EML4: variants seen among roughly 807,000 people sequenced by gnomAD.
EML4 encodes the protein echinoderm microtubule-associated protein-like 4.
Under a neutral mutation model 129.0 loss-of-function variants are expected in EML4, and 72 were observed. The observed-to-expected ratio is 0.56, with a 90% CI of 0.46 to 0.68. EML4 has a LOEUF of 0.68. Ranked by LOEUF, EML4 falls within the 30% of genes least tolerant of loss-of-function variation. The probability of loss-of-function intolerance (pLI) is 0.00; values close to 1 mark genes in which losing one functional copy is unlikely to be tolerated. For missense variants in EML4, 1,363 were observed against 1,190.6 expected, an observed-to-expected ratio of 1.14 and a Z score of -2.13; for synonymous variants, 532 against 405.0, an observed-to-expected ratio of 1.31 and a Z score of -3.77.
At chr2:42,179,181 A>G (rs72796503) in intron 1 of EML4, among the ~76,000 whole-genome samples, 7,320 of 152,218 alleles carry the variant, frequency 0.048, 248 homozygotes, top group South Asian at 0.086. Flanking sequence ...TCAGCCATGA[A>G]TTCATAGCCT....
intron 6 of EML4, among the ~76,000 whole-genome samples, chr2:42,277,166 A>G (rs1666702627): frequency 6.6e-6 from 1 of 152,216 alleles, no homozygotes. Context: ...GAAAGTATTT[A>G]TGATGTACAC....
At chr2:42,327,251 T>G (rs1345462688) in intron 21 of EML4, among the ~76,000 whole-genome samples, 1 of 152,244 alleles carries the variant, frequency 6.6e-6, no homozygotes, top group Non-Finnish European at 1.5e-5. Context: ...CATCAGCTGA[T>G]GGACACTTGG....
chr2:42,307,341 A>C (rs1023358804), intron 17 of EML4, among the ~76,000 whole-genome samples: 4 of 152,220 alleles, frequency 2.6e-5, no homozygotes, highest in African/African-American at 9.6e-5. Flanking sequence ...TGTAAGTAGA[A>C]AACACTTCAT....
chr2:42,305,162 A>T (rs1053642082), intron 17 of EML4, among the ~76,000 whole-genome samples: 4 of 152,284 alleles, frequency 2.6e-5, no homozygotes, highest in Non-Finnish European at 5.9e-5. Context: ...CAGTAATTCC[A>T]GTGCTTTGGG....
intron 17 of EML4, among the ~76,000 whole-genome samples, chr2:42,313,775 G>C (rs1380193204): frequency 6.6e-6 from 1 of 151,176 alleles, no homozygotes; most frequent in Non-Finnish European, 1.5e-5. Context: ...TAAAAATACA[G>C]AAAATTATCT....
chr2:42,326,958 T>C (rs1669841140), intron 21 of EML4, among the ~76,000 whole-genome samples: 1 of 152,120 alleles, frequency 6.6e-6, no homozygotes, highest in Non-Finnish European at 1.5e-5. Flanking sequence ...TTTTAGAACA[T>C]TTTCATTACC....
intron 2 of EML4, among the ~76,000 whole-genome samples, chr2:42,251,538 A>G (rs1419610641): frequency 6.6e-6 from 1 of 152,266 alleles, no homozygotes; most frequent in East Asian, 1.9e-4. Flanking sequence ...GTAGAAGTAT[A>G]CAGATAAAAT....
chr2:42,270,687 A>G (rs1666314353), intron 6 of EML4, among the ~76,000 whole-genome samples: 1 of 152,200 alleles, frequency 6.6e-6, no homozygotes, highest in Non-Finnish European at 1.5e-5. Flanking sequence ...ATTGTCATTT[A>G]CTGAGAGAGT....
intron 3 of EML4, among the ~76,000 whole-genome samples, chr2:42,258,974 C>T (rs554968986): frequency 1.1e-4 from 16 of 152,178 alleles, no homozygotes; most frequent in Non-Finnish European, 2.4e-4. Flanking sequence ...GGACCGGATG[C>T]AGTGGCTCAC....
chr2:42,172,258 T>C (rs1670327082), intron 1 of EML4, among the ~76,000 whole-genome samples: 1 of 152,200 alleles, frequency 6.6e-6, no homozygotes, highest in South Asian at 2.1e-4. Flanking sequence ...GAGAAGAGAT[T>C]ATTTCAGAGA....
chr2:42,178,695 C>T (rs1020432261), intron 1 of EML4, among the ~76,000 whole-genome samples: 2 of 152,140 alleles, frequency 1.3e-5, no homozygotes, highest in African/African-American at 4.8e-5. Context: ...TTAAGCTGAT[C>T]TGATGGAGTT....
intron 10 of EML4, 60 bp downstream of exon 10, chr2:42,286,439 G>T (rs750805077): frequency 9.4e-7 from 1 of 1,060,048 alleles, no homozygotes; most frequent in African/African-American, 1.6e-5. Context: ...AAGAAGTTAA[G>T]CTCAGTTTTG....
At chr2:42,203,328 T>C (rs1350857616) in intron 1 of EML4, among the ~76,000 whole-genome samples, 2 of 152,244 alleles carry the variant, frequency 1.3e-5, no homozygotes, top group African/African-American at 4.8e-5. Context: ...TTTCCATCTG[T>C]GGTAGCCCTT....
intron 3 of EML4, among the ~76,000 whole-genome samples, chr2:42,260,882 T>C (rs1290531434): frequency 6.6e-6 from 1 of 152,228 alleles, no homozygotes; most frequent in East Asian, 1.9e-4. Flanking sequence ...ACCATTTCTG[T>C]CTAAAGGGGC....
chr2:42,178,273 T>C (rs1019562879), intron 1 of EML4, among the ~76,000 whole-genome samples: 1 of 152,074 alleles, frequency 6.6e-6, no homozygotes, highest in African/African-American at 2.4e-5. Flanking sequence ...CCAGGTGGTA[T>C]AGCTCACACC....
rs147822498 is a variant in EML4 at position 42,261,207 on chromosome 2, G to A, written c.425G>A (p.Arg142Gln). ...TCTAATGATCAAAGTCCACAAATTCGAGCATCACCTTCTCCCCAGCCCTCT... is the reference window on the plus strand; with the variant it reads ...TCTAATGATCAAAGTCCACAAATTCAAGCATCACCTTCTCCCCAGCCCTCT... ...SHSNDQSPQI[R>Q]ASPSPQPSSQ... is the part of the protein sequence containing the mutation. The change falls in exon 4 of 23, where the codon CGA (arginine) becomes CAA (glutamine). Residue 142 changes from arginine to glutamine, a missense_variant. Physicochemically the swap from Arg to Gln is conservative, Grantham distance 43. Transcript: ENST00000318522. 5.8e-5 allele frequency: 94 copies of A among 1,613,648 alleles called. No homozygotes were observed. Among genetic ancestry groups the A allele is most frequent in the Non-Finnish European group, 7.5e-5 (88 of 1,179,902 alleles).
At chr2:42,184,324 G>A (rs1189457502) in intron 1 of EML4, among the ~76,000 whole-genome samples, 2 of 151,692 alleles carry the variant, frequency 1.3e-5, no homozygotes, top group African/African-American at 4.8e-5. Flanking sequence ...ATGTTGGTGT[G>A]CTGCACCCAT....
intron 3 of EML4, among the ~76,000 whole-genome samples, chr2:42,257,766 G>A (rs911612350): frequency 2.6e-5 from 4 of 152,004 alleles, no homozygotes; most frequent in Admixed American, 6.5e-5. Flanking sequence ...GAACCCAGGA[G>A]GGGGAGCTTG....
chr2:42,297,344 G>A (rs958748776), intron 13 of EML4, among the ~76,000 whole-genome samples: 4 of 152,090 alleles, frequency 2.6e-5, no homozygotes, highest in African/African-American at 9.7e-5. Context: ...CAGAATTTGC[G>A]TATAAATATA....
Sources: gnomAD v4.1 joint callset for allele counts (sites outside exome capture counted in the v4.1 genomes callset) on GRCh38, gnomAD v4.1.1 for gene constraint, MANE v1.5 for transcripts, NCBI Gene and HGNC (gene_info 2026-07-23, HGNC 2026-07-21) for gene names.